HDAC10: variants seen among roughly 807,000 people sequenced by gnomAD.
HDAC10 encodes the protein histone deacetylase 10.
A neutral mutation model predicts 82.3 loss-of-function variants in HDAC10; 90 were observed. That is an observed-to-expected ratio of 1.09 (90% CI 0.92 to 1.30). HDAC10 has a LOEUF of 1.30. Among genes scored for constraint, HDAC10 ranks in the 50% most tolerant of loss-of-function variants. HDAC10 has a pLI of 0.00. For synonymous variants in HDAC10, 456 were observed against 391.7 expected, an observed-to-expected ratio of 1.16 and a Z score of -1.94; for missense variants, 934 against 876.3, an observed-to-expected ratio of 1.07 and a Z score of -0.83.
chr22:50,247,510 GAC>G (rs1016190352), intron 14 of HDAC10, 180 bp downstream of exon 14: 4 of 523,058 alleles, frequency 7.6e-6, no homozygotes, highest in African/African-American at 3.8e-5. Flanking sequence ...TCAGAGGTCA[GAC>G]ACACTAGTGA....
Position 50,250,060 on chromosome 22 carries a change from C to T in HDAC10, c.389+3G>A. On this transcript the variant is annotated splice_donor_region_variant and intron_variant, in intron 4 of 19. Coordinates refer to ENST00000216271, the MANE Select transcript of HDAC10 (RefSeq NM_032019.6). ...AGCAGCCAGGGGAAGGGGCAGCTCT[C>T]ACCTCACCAGGGCAAGCCCATTTTG... 1 of 1,612,572 alleles carries T rather than the reference C, an allele frequency of 6.2e-7. No individual in the cohort carries two copies. The highest frequency in any genetic ancestry group is 8.5e-7 in the Non-Finnish European group (1 of 1,179,768).
At position 50,250,965 on chromosome 22, in the gene HDAC10, C is replaced by A; in HGVS notation, c.59+9G>T. The A allele has an allele frequency of 6.2e-7, 1 of 1,612,340 alleles. No individual in the cohort carries two copies. The highest frequency in any genetic ancestry group is 8.5e-7 in the Non-Finnish European group (1 of 1,179,558). ...TCCCCGCACCCCACCTCGGCCAGGT[C>A]CCACTTACTCGTCCCAGAGCAGCCG... On this transcript the variant is annotated intron_variant, in intron 1 of 19. Transcript: ENST00000216271.
intron 14 of HDAC10, chr22:50,247,252 C>CCT (rs770415850): frequency 5.6e-6 from 2 of 357,960 alleles, no homozygotes; most frequent in Non-Finnish European, 5.1e-6. Context: ...GATCGTCCTG[C>CCT]CTCAGCCTCC....
intron 16 of HDAC10, 56 bp downstream of exon 16, chr22:50,246,623 C>A: frequency 6.5e-7 from 1 of 1,538,072 alleles, no homozygotes; most frequent in South Asian, 1.1e-5. Context: ...GGCACACGTC[C>A]ATCACATGCC....
chr22:50,245,425 G>C lies in HDAC10; in HGVS notation c.*82C>G. The C allele has an allele frequency of 1.5e-5, 11 of 719,770 alleles. No individual in the cohort carries two copies. The highest frequency in any genetic ancestry group is 2.6e-5 in the Non-Finnish European group (10 of 388,960). The allele number at this position is 719,770 out of a possible 1,614,324, so 44.6% of individuals were successfully genotyped here. A position where few individuals can be genotyped will look rare whatever the true frequency, so the allele number is the denominator to read the frequency against. The stretch of plus-strand genomic sequence containing the variant: ...GTGCCCCAGAGTCGAGGGAGCCGTG[G>C]GCTTGGGGTCCGGATCGCGGCCGCG... On this transcript the variant is annotated 3_prime_UTR_variant, in exon 20 of 20. Coordinates refer to ENST00000216271, the MANE Select transcript of HDAC10 (RefSeq NM_032019.6).
rs1206555284 is a variant in HDAC10 at position 50,246,672 on chromosome 22, G to C, written c.1571+7C>G. ...GGCTGGACATATGCAAGACCTGAGAGTCCTACCCGTCATGGGCGAGGTCTG... is the reference window on the plus strand; with the variant it reads ...GGCTGGACATATGCAAGACCTGAGACTCCTACCCGTCATGGGCGAGGTCTG... On this transcript the variant is annotated splice_region_variant and intron_variant, in intron 16 of 19. Coordinates refer to ENST00000216271, the MANE Select transcript of HDAC10 (RefSeq NM_032019.6). 1 of 1,610,956 alleles carries C rather than the reference G, an allele frequency of 6.2e-7. No homozygotes were observed.
chr22:50,246,237 G>A (rs2064941747), intron 17 of HDAC10, 61 bp downstream of exon 17: 1 of 1,536,554 alleles, frequency 6.5e-7, no homozygotes, highest in Non-Finnish European at 9.0e-7. Context: ...CCAGCAAACA[G>A]CAGCTGTACA....
intron 16 of HDAC10, 116 bp downstream of exon 16, chr22:50,246,563 C>T: frequency 8.6e-7 from 1 of 1,169,220 alleles, no homozygotes; most frequent in South Asian, 1.3e-5. Flanking sequence ...CTGAGGAAGG[C>T]TCCATTCAGT....
chr22:50,247,043 C>T, intron 14 of HDAC10, 77 bp from the exon 15 acceptor site: 1 of 857,248 alleles, frequency 1.2e-6, no homozygotes, highest in East Asian at 2.7e-5. Context: ...CAGTTCCCTT[C>T]ATTCGGTGTG....
chr22:50,247,787 C>T lies in HDAC10; in HGVS notation c.1338-11G>A. 1 of 1,612,842 alleles carries T rather than the reference C, an allele frequency of 6.2e-7. No homozygotes were observed. The highest frequency in any genetic ancestry group is 1.1e-5 in the South Asian group (1 of 91,082). On this transcript the variant is annotated splice_polypyrimidine_tract_variant and intron_variant, in intron 13 of 19. Coordinates refer to ENST00000216271, the MANE Select transcript of HDAC10 (RefSeq NM_032019.6). ...AGGGACTCGTGTGGCCTGTGGTGGA[C>T]AGACCAGAGGGACACACAGACACGG...
Position 50,247,885 on chromosome 22 carries a change from C to T in HDAC10, c.1337+5G>A, listed in dbSNP as rs1362318694. On this transcript the variant is annotated splice_donor_5th_base_variant and intron_variant, in intron 13 of 19. Transcript: ENST00000216271. ...CATCCTTCTCCCCAGGCCAGCCCTG[C>T]CCACCTGGCCCAGGCTTCTGTCTCC... 1 of 1,612,644 alleles carries T rather than the reference C, an allele frequency of 6.2e-7. No individual in the cohort carries two copies. The highest frequency in any genetic ancestry group is 8.5e-7 in the Non-Finnish European group (1 of 1,179,940).
At position 50,247,671 on chromosome 22, in the gene HDAC10, AC is replaced by A. The variant is rs1304147121; in HGVS notation, c.1422+20del. On this transcript the variant is annotated intron_variant, in intron 14 of 19. Coordinates refer to ENST00000216271, the MANE Select transcript of HDAC10 (RefSeq NM_032019.6). ...TGCCCCTAGGTCCACAGCATCCCCAACCCCTCCCAGGTGCTCCCACCTGCCC... is the reference window on the plus strand; with the variant it reads ...TGCCCCTAGGTCCACAGCATCCCCAACCCTCCCAGGTGCTCCCACCTGCCC... The A allele has an allele frequency of 4.6e-6, 7 of 1,537,016 alleles. No individual in the cohort carries two copies. Among genetic ancestry groups the A allele is most frequent in the Non-Finnish European group, 6.2e-6 (7 of 1,132,848 alleles).
In HDAC10 at chr22:50,248,217, A is replaced by C. The variant is rs1278640910; in HGVS notation, c.1081+8T>G. The C allele has an allele frequency of 6.2e-7, 1 of 1,611,184 alleles. No individual in the cohort carries two copies. Among genetic ancestry groups the C allele is most frequent in the Admixed American group, 1.7e-5 (1 of 59,922 alleles). On this transcript the variant is annotated splice_region_variant and intron_variant, in intron 12 of 19. Coordinates refer to ENST00000216271, the MANE Select transcript of HDAC10 (RefSeq NM_032019.6). This position sits in a 1 kb window ranked among gnomAD's most constrained non-coding sequence, Gnocchi z 5.4. Reference sequence around the variant, plus strand: ...GGATCCTGCAGCCTAGCACCCGGCCACACTGACCTTGCTGCTGGAGGCTCT... The same window carrying C: ...GGATCCTGCAGCCTAGCACCCGGCCCCACTGACCTTGCTGCTGGAGGCTCT...
rs767531112 is a variant in HDAC10 at position 50,246,676 on chromosome 22, T to G, written c.1571+3A>C. ...GGACATATGCAAGACCTGAGAGTCC[T>G]ACCCGTCATGGGCGAGGTCTGGAGG... On this transcript the variant is annotated splice_donor_region_variant and intron_variant, in intron 16 of 19. Coordinates refer to ENST00000216271, the MANE Select transcript of HDAC10 (RefSeq NM_032019.6). 8 of 1,611,164 alleles carry G rather than the reference T, an allele frequency of 5.0e-6. No individual in the cohort carries two copies. Among genetic ancestry groups the G allele is most frequent in the Non-Finnish European group, 6.8e-6 (8 of 1,179,706 alleles).
Position 50,248,302 on chromosome 22 carries a change from A to G in HDAC10, c.1014-10T>C. ...GATGGACTCTAGGGCACTGTGAGGG[A>G]GACACAACAGTCGTGACACCTGGTC... On this transcript the variant is annotated splice_polypyrimidine_tract_variant and intron_variant, in intron 11 of 19. Coordinates refer to ENST00000216271, the MANE Select transcript of HDAC10 (RefSeq NM_032019.6). The surrounding 1 kb of genome is among the most constrained non-coding windows in gnomAD (Gnocchi z 5.4). 6.2e-7 allele frequency: 1 copy of G among 1,612,228 alleles called. No individual in the cohort carries two copies. Among genetic ancestry groups the G allele is most frequent in the Non-Finnish European group, 8.5e-7 (1 of 1,179,846 alleles).
chr22:50,249,555 A>G lies in HDAC10; in HGVS notation c.563+80T>C. The G allele has an allele frequency of 3.1e-6, 5 of 1,606,446 alleles. No individual in the cohort carries two copies. Among genetic ancestry groups the G allele is most frequent in the Non-Finnish European group, 4.3e-6 (5 of 1,175,020 alleles). On this transcript the variant is annotated intron_variant, in intron 6 of 19. Coordinates refer to ENST00000216271, the MANE Select transcript of HDAC10 (RefSeq NM_032019.6). The surrounding 1 kb of genome is among the most constrained non-coding windows in gnomAD (Gnocchi z 4.4). Reference sequence around the variant, plus strand: ...ACCCCTGAGCACATGTCTGTATCTCACCCCTGGATTTTCCCAGGCCAGGCT... The same window carrying G: ...ACCCCTGAGCACATGTCTGTATCTCGCCCCTGGATTTTCCCAGGCCAGGCT...
At chr22:50,250,370 C>T (rs1216794586) in intron 3 of HDAC10, 57 bp downstream of exon 3, 17 of 1,534,434 alleles carry the variant, frequency 1.1e-5, no homozygotes, top group Admixed American at 1.0e-4. Flanking sequence ...TGGCTGTGAA[C>T]GCTCAAAGGC....
chr22:50,249,227 G>GA lies in HDAC10; in HGVS notation c.691-60_691-59insT, dbSNP rs1268775249. 11 of 1,208,230 alleles carry GA rather than the reference G, an allele frequency of 9.1e-6. No individual in the cohort carries two copies. The highest frequency in any genetic ancestry group is 1.2e-5 in the Non-Finnish European group (11 of 906,820). The allele number at this position is 1,208,230 out of a possible 1,614,324, so 74.8% of individuals were successfully genotyped here. A position where few individuals can be genotyped will look rare whatever the true frequency, so the allele number is the denominator to read the frequency against. On this transcript the variant is annotated intron_variant, in intron 7 of 19. Coordinates refer to ENST00000216271, the MANE Select transcript of HDAC10 (RefSeq NM_032019.6). The surrounding 1 kb of genome is among the most constrained non-coding windows in gnomAD (Gnocchi z 4.4). ...TGGGGCAGGGGAGGGGCCCGGGGGA[G>GA]GGGGTGGGTGGGGACCTGGGGCTTG... is the stretch of plus-strand genomic sequence containing the variant.
intron 13 of HDAC10, 42 bp from the exon 14 acceptor site, chr22:50,247,818 C>CCG (rs759592654): frequency 6.2e-7 from 1 of 1,612,704 alleles, no homozygotes; most frequent in Admixed American, 1.7e-5. Flanking sequence ...CACGGAGTGA[C>CCG]CGCAGGTCAG....
Sources: allele counts gnomAD v4.1 joint callset, GRCh38; gene constraint gnomAD v4.1.1; non-coding constraint Gnocchi (gnomAD v3.1); transcripts MANE v1.5; gene names NCBI Gene and HGNC (gene_info 2026-07-23, HGNC 2026-07-21).